The following PREX1 variants were observed in gnomAD, a reference collection of about 807,000 sequenced individuals.
The protein encoded by PREX1 is phosphatidylinositol 3,4,5-trisphosphate-dependent Rac exchanger 1 protein.
PREX1 carries 41 observed loss-of-function variants against 198.3 expected under a neutral mutation model. That is an observed-to-expected ratio of 0.21 (90% CI 0.16 to 0.27). The LOEUF is 0.27. PREX1 is among the 10% of genes least tolerant of loss of function. PREX1 has a pLI of 1.00. For missense variants in PREX1, 1,620 were observed against 2,200.7 expected, an observed-to-expected ratio of 0.74 and a Z score of 5.28; for synonymous variants, 843 against 887.2, an observed-to-expected ratio of 0.95 and a Z score of 0.89.
chr20:48,739,334 T>A (rs749953417), intron 3 of PREX1, among the ~76,000 whole-genome samples: 1 of 152,226 alleles, frequency 6.6e-6, no homozygotes, highest in Non-Finnish European at 1.5e-5. Flanking sequence ...GATGCCCAGG[T>A]GAATGCTCAT....
chr20:48,804,081 G>A (rs2090399189), intron 1 of PREX1, among the ~76,000 whole-genome samples: 1 of 152,202 alleles, frequency 6.6e-6, no homozygotes, highest in Non-Finnish European at 1.5e-5. Context: ...TGAGTCATCT[G>A]CGTTTCTGAC....
At chr20:48,633,513 G>A (rs1245744312) in intron 33 of PREX1, among the ~76,000 whole-genome samples, 1 of 152,214 alleles carries the variant, frequency 6.6e-6, no homozygotes, top group Non-Finnish European at 1.5e-5. Context: ...TCCAGTGCCT[G>A]GTTCCTAATT....
chr20:48,808,071 G>C (rs1488687051), intron 1 of PREX1, among the ~76,000 whole-genome samples: 2 of 152,112 alleles, frequency 1.3e-5, no homozygotes, highest in African/African-American at 2.4e-5. Context: ...AGGGGAGGGG[G>C]GCACTGTTGT....
intron 36 of PREX1, 87 bp from the exon 37 acceptor site, chr20:48,629,708 T>TC (rs2089299258): frequency 7.2e-7 from 1 of 1,398,036 alleles, no homozygotes; most frequent in Admixed American, 1.9e-5. Flanking sequence ...CCCCACCATA[T>TC]CCTTCTAATC....
intron 1 of PREX1, among the ~76,000 whole-genome samples, chr20:48,802,091 T>C (rs1323846643): frequency 6.6e-6 from 1 of 152,188 alleles, no homozygotes; most frequent in Non-Finnish European, 1.5e-5. Context: ...TCAGGCGTTC[T>C]GTTATAAGCA....
At chr20:48,768,514 GC>G (rs1029406607) in intron 1 of PREX1, among the ~76,000 whole-genome samples, 2 of 152,162 alleles carry the variant, frequency 1.3e-5, no homozygotes, top group African/African-American at 4.8e-5. Flanking sequence ...CCGTCACTCG[GC>G]CGGGCCCAGT....
chr20:48,736,492 C>T (rs2090057634), intron 3 of PREX1, among the ~76,000 whole-genome samples: 1 of 152,206 alleles, frequency 6.6e-6, no homozygotes, highest in South Asian at 2.1e-4. Context: ...CAACACATGG[C>T]AAGGAAGGAG....
At chr20:48,643,459 C>T (rs967595284) in intron 27 of PREX1, among the ~76,000 whole-genome samples, 9 of 150,658 alleles carry the variant, frequency 6.0e-5, no homozygotes, top group African/African-American at 2.2e-4. Context: ...CAGAGTGAGA[C>T]TCTGTCTCAA....
intron 10 of PREX1, among the ~76,000 whole-genome samples, chr20:48,687,109 A>G (rs2038179): frequency 0.26 from 39,661 of 152,168 alleles, 6,654 homozygotes; most frequent in African/African-American, 0.48. Flanking sequence ...TGCCTCTTCT[A>G]TCCCTTCAGG....
At chr20:48,818,372 T>C (rs1167407478) in intron 1 of PREX1, among the ~76,000 whole-genome samples, 1 of 152,146 alleles carries the variant, frequency 6.6e-6, no homozygotes, top group Non-Finnish European at 1.5e-5. Context: ...AAAGGAGTAA[T>C]GAAAGAGGAG....
chr20:48,693,533 C>T (rs2089830256), intron 7 of PREX1, among the ~76,000 whole-genome samples: 1 of 152,234 alleles, frequency 6.6e-6, no homozygotes, highest in Admixed American at 6.5e-5. Flanking sequence ...TCTACTAGCA[C>T]CTTTCATCTT....
chr20:48,663,245 C>T (rs151220630), intron 15 of PREX1, among the ~76,000 whole-genome samples: 1 of 152,330 alleles, frequency 6.6e-6, no homozygotes, highest in East Asian at 1.9e-4. Flanking sequence ...TATTGGGAGT[C>T]AGCTGAGTCA....
chr20:48,734,518 G>A, intron 4 of PREX1, 28 bp downstream of exon 4: 1 of 1,590,038 alleles, frequency 6.3e-7, no homozygotes, highest in Non-Finnish European at 8.6e-7. Flanking sequence ...GAGTGCAAGG[G>A]AGCACCAGGG....
chr20:48,872,675 G>A, the PREX1 span, among the ~76,000 whole-genome samples: 2 of 152,164 alleles, frequency 1.3e-5, no homozygotes, highest in Non-Finnish European at 2.9e-5. Flanking sequence ...GAATCTGGGA[G>A]GCAGAGGTTG....
At chr20:48,806,013 T>C (rs1237328951) in intron 1 of PREX1, among the ~76,000 whole-genome samples, 1 of 152,168 alleles carries the variant, frequency 6.6e-6, no homozygotes, top group Admixed American at 6.5e-5. Flanking sequence ...CCACTGACAA[T>C]TGGGGCCAGG....
the PREX1 span, among the ~76,000 whole-genome samples, chr20:48,872,846 C>T: frequency 3.9e-5 from 6 of 152,270 alleles, no homozygotes; most frequent in Non-Finnish European, 7.4e-5. Flanking sequence ...GAAGTATTTC[C>T]GGAGGCTCCT....
the PREX1 span, among the ~76,000 whole-genome samples, chr20:48,839,624 T>G: frequency 4.6e-5 from 7 of 152,326 alleles, no homozygotes; most frequent in African/African-American, 1.7e-4. Context: ...ACCTGGTCCA[T>G]GCTTGTGCTA....
the PREX1 span, among the ~76,000 whole-genome samples, chr20:48,834,257 G>A: frequency 3.4e-4 from 52 of 152,142 alleles, 1 homozygote; most frequent in Non-Finnish European, 2.9e-4. Flanking sequence ...CTGCAATTTC[G>A]TCAAGGCCAG....
intron 26 of PREX1, among the ~76,000 whole-genome samples, chr20:48,645,173 T>TG (rs1236246218): frequency 6.6e-6 from 1 of 152,192 alleles, no homozygotes; most frequent in African/African-American, 2.4e-5. Flanking sequence ...CTGCGAGGAC[T>TG]GGGGGGAAGG....
Sources: gnomAD v4.1 joint callset for allele counts (sites outside exome capture counted in the v4.1 genomes callset) on GRCh38, gnomAD v4.1.1 for gene constraint, MANE v1.5 for transcripts, NCBI Gene and HGNC (gene_info 2026-07-23, HGNC 2026-07-21) for gene names.